NEGR1: variants seen among roughly 807,000 people sequenced by gnomAD.
NEGR1 encodes the protein IgLON family member 4.
Under a neutral mutation model 40.9 loss-of-function variants are expected in NEGR1, and 10 were observed. That is an observed-to-expected ratio of 0.24 (90% CI 0.15 to 0.42). The LOEUF is 0.42. Among genes scored for constraint, NEGR1 ranks in the 10% least tolerant of loss-of-function variants. NEGR1 has a pLI of 1.00. For synonymous variants in NEGR1, 185 were observed against 166.8 expected, an observed-to-expected ratio of 1.11 and a Z score of -0.84; for missense variants, 352 against 438.9, an observed-to-expected ratio of 0.80 and a Z score of 1.77.
chr1:71,993,593 T>A (rs1263242715), intron 1 of NEGR1, among the ~76,000 whole-genome samples: 1 of 152,168 alleles, frequency 6.6e-6, no homozygotes. Flanking sequence ...AAAATAAAAG[T>A]TGGAGAATAG....
intron 2 of NEGR1, among the ~76,000 whole-genome samples, chr1:71,824,805 T>C (rs1335382638): frequency 1.3e-5 from 2 of 151,952 alleles, no homozygotes; most frequent in South Asian, 2.1e-4. Context: ...TCTGTAAGAT[T>C]TGTCCACACT....
chr1:71,554,828 G>T (rs975731847), intron 6 of NEGR1, among the ~76,000 whole-genome samples: 4 of 151,444 alleles, frequency 2.6e-5, no homozygotes, highest in African/African-American at 9.7e-5. Flanking sequence ...CTTGCAGGTA[G>T]AGCCTTCTGG....
chr1:72,002,913 G>C (rs12404769), intron 1 of NEGR1, among the ~76,000 whole-genome samples: 15,572 of 152,082 alleles, frequency 0.1, 886 homozygotes, highest in Middle Eastern at 0.18. Flanking sequence ...CCGCTAATGG[G>C]TTACAATTTA....
At chr1:71,766,156 G>C (rs1656121858) in intron 3 of NEGR1, among the ~76,000 whole-genome samples, 1 of 133,626 alleles carries the variant, frequency 7.5e-6, no homozygotes, top group South Asian at 2.5e-4. Context: ...CTGGGCAAGA[G>C]AGCAAGACTC....
chr1:71,411,729 G>A (rs181326132), intron 6 of NEGR1, among the ~76,000 whole-genome samples: 2 of 152,250 alleles, frequency 1.3e-5, no homozygotes, highest in African/African-American at 4.8e-5. Context: ...CTCGGGTGCA[G>A]TGGTTCATGC....
intron 2 of NEGR1, among the ~76,000 whole-genome samples, chr1:71,898,877 T>A (rs201350200): frequency 1.4e-5 from 1 of 73,898 alleles, no homozygotes; most frequent in Non-Finnish European, 2.9e-5. Context: ...ATATATATAT[T>A]GCAAATATAT....
At chr1:72,209,971 CA>C (rs1653540098) in intron 1 of NEGR1, among the ~76,000 whole-genome samples, 1 of 151,804 alleles carries the variant, frequency 6.6e-6, no homozygotes, top group South Asian at 2.1e-4. Flanking sequence ...TATTGAATTG[CA>C]TTTGATTTTT....
rs1400000105 is a variant in NEGR1, at chr1:71,915,278, A to G, written c.409+19801T>C. ...AGTTGAAAAATGGCTTGGCATATGC[A>G]TTTATCTATGTTGTGCTGTCATCAC... is the stretch of plus-strand genomic sequence containing the variant. On this transcript the variant is annotated intron_variant, in intron 2 of 6. Transcript: ENST00000357731. Among the ~76,000 whole-genome samples the G allele has an allele frequency of 2.6e-5, 4 of 152,312 alleles. No individual in the cohort carries two copies. In the East Asian group the frequency reaches 5.8e-4, roughly 22 times the overall value.
chr1:71,989,203 C>G (rs1472883909), intron 1 of NEGR1, among the ~76,000 whole-genome samples: 1 of 152,120 alleles, frequency 6.6e-6, no homozygotes, highest in East Asian at 1.9e-4. Context: ...CTAAGCTGAT[C>G]CTGCAGGAGT....
intron 6 of NEGR1, among the ~76,000 whole-genome samples, chr1:71,590,889 A>G (rs1649475666): frequency 6.6e-6 from 1 of 152,086 alleles, no homozygotes; most frequent in Admixed American, 6.6e-5. Context: ...TCATTTATTC[A>G]CTAAAGATTT....
chr1:71,728,714 C>T (rs1329600815), intron 3 of NEGR1, among the ~76,000 whole-genome samples: 1 of 152,140 alleles, frequency 6.6e-6, no homozygotes, highest in African/African-American at 2.4e-5. Flanking sequence ...GATTGCCTCT[C>T]AGAGTTTTTA....
intron 2 of NEGR1, among the ~76,000 whole-genome samples, chr1:71,919,009 C>T (rs1661682189): frequency 6.6e-6 from 1 of 152,066 alleles, no homozygotes; most frequent in South Asian, 2.1e-4. Flanking sequence ...TTCAACAAAA[C>T]AAAAATATAA....
At chr1:72,107,706 T>C (rs542661294) in intron 1 of NEGR1, among the ~76,000 whole-genome samples, 14 of 151,478 alleles carry the variant, frequency 9.2e-5, no homozygotes, top group Admixed American at 3.3e-4. Context: ...CTATGTAGAA[T>C]GACACAGACT....
chr1:71,689,842 AAATT>A (rs548393457), intron 4 of NEGR1, among the ~76,000 whole-genome samples: 111 of 151,528 alleles, frequency 7.3e-4, no homozygotes, highest in South Asian at 6.0e-3. Context: ...AATGTAATGT[AAATT>A]AATTAACATT....
At chr1:71,880,905 C>T (rs542664821) in intron 2 of NEGR1, among the ~76,000 whole-genome samples, 35 of 151,984 alleles carry the variant, frequency 2.3e-4, no homozygotes, top group African/African-American at 5.5e-4. Flanking sequence ...CGATTTCTGA[C>T]GTGAAATTTG....
chr1:72,269,578 C>A (rs562136992), intron 1 of NEGR1, among the ~76,000 whole-genome samples: 1 of 151,646 alleles, frequency 6.6e-6, no homozygotes, highest in African/African-American at 2.4e-5. Flanking sequence ...AATTACTCAG[C>A]TTCTATGAGG....
intron 1 of NEGR1, among the ~76,000 whole-genome samples, chr1:72,196,631 G>A (rs530658365): frequency 2.7e-5 from 4 of 148,006 alleles, no homozygotes; most frequent in Admixed American, 1.3e-4. Context: ...TTAGCGAGGC[G>A]TAGTGGCACA....
intron 1 of NEGR1, among the ~76,000 whole-genome samples, chr1:72,174,337 G>T (rs2821294): frequency 6.6e-6 from 1 of 152,150 alleles, no homozygotes; most frequent in Admixed American, 6.5e-5. Context: ...ATTGACCTAC[G>T]GTTATCACCC....
At chr1:71,813,614 AG>A (rs1658085629) in intron 2 of NEGR1, among the ~76,000 whole-genome samples, 1 of 152,126 alleles carries the variant, frequency 6.6e-6, no homozygotes, top group Non-Finnish European at 1.5e-5. Context: ...TTCTTTGAGA[AG>A]TAGTTTGTAG....
Sources: allele counts gnomAD v4.1 joint callset (sites outside exome capture counted in the v4.1 genomes callset), GRCh38; gene constraint gnomAD v4.1.1; transcripts MANE v1.5; gene names NCBI Gene and HGNC (gene_info 2026-07-23, HGNC 2026-07-21).